PRCD: variants seen among roughly 807,000 people sequenced by gnomAD.
PRCD encodes photoreceptor disc component.
A neutral mutation model predicts 10.1 loss-of-function variants in PRCD; 12 were observed. The ratio of observed to expected loss-of-function variants is 1.18; its 90% CI spans 0.76 to 1.92. PRCD has a LOEUF of 1.92. Ranked by LOEUF, PRCD falls within the 40% of genes most tolerant of loss-of-function variation. The pLI is 0.00. For synonymous variants in PRCD, 31 were observed against 26.2 expected (o/e 1.18, Z -0.56); for missense variants, 61 against 72.2 (o/e 0.84, Z 0.56).
rs2074982661 is a variant in PRCD at position 76,540,752 on chromosome 17, G to A, written c.143+179G>A. On this transcript the variant is annotated intron_variant, in intron 2 of 4. Coordinates refer to ENST00000592014, the MANE Select transcript of PRCD (RefSeq NM_001077620.3). This position sits in a 1 kb window ranked among gnomAD's most constrained non-coding sequence, Gnocchi z 5.0. ...GGCAGGCTGGATGTCTGTTTTCTGC[G>A]GTTGGGAATGGGAACCCTCAGCTCG... 6.6e-6 allele frequency among the ~76,000 whole-genome samples: 1 copy of A among 152,204 alleles called. No homozygotes were observed. The highest frequency in any genetic ancestry group is 1.5e-5 in the Non-Finnish European group (1 of 68,042).
In PRCD at chr17:76,533,447, G is replaced by A. The variant is rs569730512; in HGVS notation, n.45+5614G>A. On this transcript the variant is annotated intron_variant and non_coding_transcript_variant, in intron 1 of 4. Transcript: ENST00000397633. The surrounding 1 kb of genome is among the most constrained non-coding windows in gnomAD (Gnocchi z 4.5). ...TGCAATAAAAAATAATGATATGGCC[G>A]GGCACGGTGGCTCACGCCTATAATC... Among the ~76,000 whole-genome samples the A allele has an allele frequency of 6.6e-6, 1 of 152,212 alleles. No individual in the cohort carries two copies. Among genetic ancestry groups the A allele is most frequent in the South Asian group, 2.1e-4 (1 of 4,832 alleles).
At chr17:76,539,361 G>GAAT (rs2074960135), upstream of PRCD, among the ~76,000 whole-genome samples, 1 of 152,224 alleles carries the variant, frequency 6.6e-6, no homozygotes. Context: ...GTGTAGGAAT[G>GAAT]AATCTGTACA....
In PRCD at chr17:76,544,236, C is replaced by G. The variant is rs1346024850; in HGVS notation, c.*586C>G. ...ACACGCGTCTCTCCTCCCCAGCCAG[C>G]CCCCCTCCCAGCCCAGCGGCGATGT... On this transcript the variant is annotated 3_prime_UTR_variant, in exon 5 of 5. Coordinates refer to ENST00000592014, the MANE Select transcript of PRCD (RefSeq NM_001077620.3). 4 of 454,440 alleles carry G rather than the reference C, an allele frequency of 8.8e-6. No homozygotes were observed. The highest frequency in any genetic ancestry group is 1.8e-5 in the Non-Finnish European group (4 of 226,804). 28.2% of individuals were successfully genotyped at this position (454,440 alleles called of 1,614,324 possible).
chr17:76,531,313 C>G lies in PRCD; in HGVS notation n.45+3480C>G. 8.3e-7 allele frequency: 1 copy of G among 1,205,786 alleles called. No individual in the cohort carries two copies. The highest frequency in any genetic ancestry group is 2.6e-5 in the East Asian group (1 of 38,922). The allele number at this position is 1,205,786 out of a possible 1,614,324, so 74.7% of individuals were successfully genotyped here. ...AGGGTTGCCCTGGACCCAGCCCCTC[C>G]ATCCTGCTGCCGGGCACTGCCCCTC... On this transcript the variant is annotated intron_variant and non_coding_transcript_variant, in intron 1 of 4. Coordinates refer to the PRCD transcript ENST00000397633. The surrounding 1 kb of genome is among the most constrained non-coding windows in gnomAD (Gnocchi z 7.4).
At chr17:76,529,543 C>T (rs1044819759) in intron 1 of PRCD, 3 of 985,220 alleles carry the variant, frequency 3.0e-6, no homozygotes, top group Admixed American at 6.1e-5. Context: ...TTTCCAGTCT[C>T]TCTTGGCCCT....
upstream of PRCD, chr17:76,537,922 G>C (rs1257363531): frequency 1.3e-5 from 2 of 151,262 alleles, no homozygotes; most frequent in African/African-American, 4.8e-5. Flanking sequence ...CCACGGCGGA[G>C]TTGCACCGCG....
chr17:76,536,684 C>G (rs2074917410), upstream of PRCD, among the ~76,000 whole-genome samples: 1 of 152,158 alleles, frequency 6.6e-6, no homozygotes, highest in African/African-American at 2.4e-5. Context: ...TAAGCCCAAG[C>G]CACTGCATTT....
rs1018567320 is a variant in PRCD, at chr17:76,528,911, G to A, written n.45+1078G>A. The A allele has an allele frequency of 1.8e-5, 21 of 1,185,950 alleles. No homozygotes were observed. Among genetic ancestry groups the A allele is most frequent in the East Asian group, 1.1e-4 (3 of 27,312 alleles). 73.5% of individuals were successfully genotyped at this position (1,185,950 alleles called of 1,614,324 possible). ...AAGTGTTTCACAAACTGCAAAGCAC[G>A]ATACCAATGTGAGCTCTTTTTCCAT... is the stretch of plus-strand genomic sequence containing the variant. On this transcript the variant is annotated intron_variant and non_coding_transcript_variant, in intron 1 of 4. Coordinates refer to the PRCD transcript ENST00000397633. The surrounding 1 kb of genome is among the most constrained non-coding windows in gnomAD (Gnocchi z 5.8).
rs886861168 is a variant in PRCD at position 76,530,289 on chromosome 17, G to A, written n.45+2456G>A. 1.3e-5 allele frequency among the ~76,000 whole-genome samples: 2 copies of A among 151,914 alleles called. No homozygotes were observed. On this transcript the variant is annotated intron_variant and non_coding_transcript_variant, in intron 1 of 4. Coordinates refer to the PRCD transcript ENST00000397633. The surrounding 1 kb of genome is among the most constrained non-coding windows in gnomAD (Gnocchi z 6.1). ...CCAGGGAGGCCGAGTGTTCCCAACC[G>A]CCACATCTGGGGGCTAGCCCTCCCC...
intron 1 of PRCD, chr17:76,550,427 A>AT (rs1183277814): frequency 4.0e-5 from 6 of 148,654 alleles, no homozygotes; most frequent in African/African-American, 1.0e-4. Flanking sequence ...CGCCCAGCTA[A>AT]TTTTTTGTAT....
At chr17:76,529,580 C>T (rs1260303149) in intron 1 of PRCD, 1 of 985,420 alleles carries the variant, frequency 1.0e-6, no homozygotes, top group Non-Finnish European at 1.2e-6. Context: ...TCTCTGGAAG[C>T]AGGAAGTCTT....
Position 76,540,250 on chromosome 17 carries a change from T to TGGGGGGGGGGGGGGGGGTGGGGG in PRCD, c.74+35_74+36insGGGGGGGGGGGGGGGGGTGGGGG. ...TGACCGGGCTATGGCTGGCGGTTGG[T>TGGGGGGGGGGGGGGGGGTGGGGG]CGGGGGGGGGGGGCATGGGGCTGGG... is the stretch of plus-strand genomic sequence containing the variant. On this transcript the variant is annotated intron_variant, in intron 1 of 4. Coordinates refer to ENST00000592014, the MANE Select transcript of PRCD (RefSeq NM_001077620.3). The surrounding 1 kb of genome is among the most constrained non-coding windows in gnomAD (Gnocchi z 5.0). 4.3e-6 allele frequency: 2 copies of TGGGGGGGGGGGGGGGGGTGGGGG among 463,682 alleles called. No homozygotes were observed. Among genetic ancestry groups the TGGGGGGGGGGGGGGGGGTGGGGG allele is most frequent in the South Asian group, 2.2e-5 (1 of 45,658 alleles). The allele number at this position is 463,682 out of a possible 1,614,324, so 28.7% of individuals were successfully genotyped here. A position where few individuals can be genotyped will look rare whatever the true frequency, so the allele number is the denominator to read the frequency against.
rs1598199045 is a variant in PRCD at position 76,528,040 on chromosome 17, A to C, written n.45+207A>C. 1 of 353,564 alleles carries C rather than the reference A, an allele frequency of 2.8e-6. No homozygotes were observed. Among genetic ancestry groups the C allele is most frequent in the Non-Finnish European group, 5.4e-6 (1 of 183,538 alleles). 21.9% of individuals were successfully genotyped at this position (353,564 alleles called of 1,614,324 possible). A position where few individuals can be genotyped will look rare whatever the true frequency, so the allele number is the denominator to read the frequency against. On this transcript the variant is annotated intron_variant and non_coding_transcript_variant, in intron 1 of 4. Transcript: ENST00000397633. This position sits in a 1 kb window ranked among gnomAD's most constrained non-coding sequence, Gnocchi z 5.8. Reference sequence around the variant, plus strand: ...ACACTCTGTTCTCTGCACAACCGGAACCCCTCCCTGCCCCACTCACAGGTG... The same window carrying C: ...ACACTCTGTTCTCTGCACAACCGGACCCCCTCCCTGCCCCACTCACAGGTG...
chr17:76,531,502 T>C lies in PRCD; in HGVS notation n.45+3669T>C, dbSNP rs1386077833. On this transcript the variant is annotated intron_variant and non_coding_transcript_variant, in intron 1 of 4. Transcript: ENST00000397633. This position sits in a 1 kb window ranked among gnomAD's most constrained non-coding sequence, Gnocchi z 7.4. ...CCACCTTGTGCTTGAGGGCGTGGGC[T>C]TTCCCCACAAGGGCGAGCACAGAGG... 1.2e-6 allele frequency: 2 copies of C among 1,613,184 alleles called. No homozygotes were observed. Among genetic ancestry groups the C allele is most frequent in the African/African-American group, 2.7e-5 (2 of 74,922 alleles).
chr17:76,537,572 T>TCGGCGG (rs758675323), upstream of PRCD: 8 of 1,292,530 alleles, frequency 6.2e-6, no homozygotes, highest in South Asian at 5.0e-5. Context: ...CCGGCTTTGC[T>TCGGCGG]CGGCGGCGGC....
intron 4 of PRCD, chr17:76,543,512 T>C (rs962350812): frequency 5.8e-6 from 2 of 347,650 alleles, no homozygotes; most frequent in African/African-American, 4.3e-5. Context: ...ATCCACAATT[T>C]CTAAATGGGG....
At position 76,540,272 on chromosome 17, in the gene PRCD, T is replaced by TGGGGGGG; in HGVS notation, c.74+60_74+61insGGGGGGG. On this transcript the variant is annotated intron_variant, in intron 1 of 4. Coordinates refer to ENST00000592014, the MANE Select transcript of PRCD (RefSeq NM_001077620.3). The surrounding 1 kb of genome is among the most constrained non-coding windows in gnomAD (Gnocchi z 5.0). ...TGGTCGGGGGGGGGGGGCATGGGGCTGGGCTGCCACCAAGCTGAAGGTGGG... is the reference window on the plus strand; with the variant it reads ...TGGTCGGGGGGGGGGGGCATGGGGCTGGGGGGGGGGCTGCCACCAAGCTGAAGGTGGG... 1.6e-6 allele frequency: 1 copy of TGGGGGGG among 608,210 alleles called. No individual in the cohort carries two copies. The highest frequency in any genetic ancestry group is 2.7e-6 in the Non-Finnish European group (1 of 366,094). The allele number at this position is 608,210 out of a possible 1,614,324, so 37.7% of individuals were successfully genotyped here. A position where few individuals can be genotyped will look rare whatever the true frequency, so the allele number is the denominator to read the frequency against.
At chr17:76,532,865 G>T (rs535403989) in intron 1 of PRCD, among the ~76,000 whole-genome samples, 6 of 152,240 alleles carry the variant, frequency 3.9e-5, no homozygotes, top group African/African-American at 1.4e-4. Context: ...TCCCCTCCCT[G>T]TCGGGGCTGG....
In PRCD at chr17:76,544,393, G is replaced by T. The variant is rs1265164231; in HGVS notation, c.*743G>T. 2.2e-6 allele frequency: 1 copy of T among 454,912 alleles called. No individual in the cohort carries two copies. Among genetic ancestry groups the T allele is most frequent in the Non-Finnish European group, 4.4e-6 (1 of 226,982 alleles). 28.2% of individuals were successfully genotyped at this position (454,912 alleles called of 1,614,324 possible). ...AGGGTGAGGGATGCCGCAGAGCAGA[G>T]GGAACCGCTGGGGAGGCGCTCAGGG... On this transcript the variant is annotated 3_prime_UTR_variant, in exon 5 of 5. Transcript: ENST00000592014.
Sources: allele counts gnomAD v4.1 joint callset (sites outside exome capture counted in the v4.1 genomes callset), GRCh38; gene constraint gnomAD v4.1.1; non-coding constraint Gnocchi (gnomAD v3.1); transcripts MANE v1.5; gene names NCBI Gene and HGNC (gene_info 2026-07-23, HGNC 2026-07-21).